Variants in GRID1 observed in about 807,000 individuals in gnomAD.
GRID1 encodes the protein glutamate receptor ionotropic, delta-1.
In GRID1, 28 loss-of-function variants were observed where a neutral mutation model predicts 98.0. The observed-to-expected ratio is 0.29, with a 90% CI of 0.21 to 0.39. The LOEUF (loss-of-function observed/expected upper bound fraction) is 0.39. Among genes scored for constraint, GRID1 ranks in the 10% least tolerant of loss-of-function variants. The probability of loss-of-function intolerance (pLI) is 1.00; values close to 1 mark genes in which losing one functional copy is unlikely to be tolerated. For missense variants in GRID1, 1,111 were observed against 1,340.5 expected (o/e 0.83, Z 2.67); for synonymous variants, 553 against 538.5 (o/e 1.03, Z -0.37).
chr10:85,706,161 G>T (rs2132629356), intron 12 of GRID1, among the ~76,000 whole-genome samples: 1 of 152,278 alleles, frequency 6.6e-6, no homozygotes, highest in African/African-American at 2.4e-5. Flanking sequence ...AGGAAAAGAG[G>T]AAGTCAAATT....
intron 5 of GRID1, among the ~76,000 whole-genome samples, chr10:85,889,398 T>C (rs1378044450): frequency 1.3e-5 from 2 of 152,228 alleles, no homozygotes; most frequent in Admixed American, 1.3e-4. Context: ...ACGAGATCAA[T>C]ATTTTTTAGA....
intron 4 of GRID1, among the ~76,000 whole-genome samples, chr10:86,131,385 T>C (rs974865040): frequency 1.4e-4 from 22 of 152,318 alleles, no homozygotes; most frequent in South Asian, 6.2e-4. Flanking sequence ...ATTTCTCATG[T>C]CTGCTGCCTC....
intron 2 of GRID1, among the ~76,000 whole-genome samples, chr10:86,354,464 C>G (rs189494721): frequency 6.6e-6 from 1 of 152,204 alleles, no homozygotes; most frequent in Admixed American, 6.5e-5. Flanking sequence ...GCGCTAAGCA[C>G]CCCTCTCTCG....
intron 12 of GRID1, among the ~76,000 whole-genome samples, chr10:85,657,038 C>T (rs956481896): frequency 1.3e-5 from 2 of 152,178 alleles, no homozygotes; most frequent in South Asian, 4.1e-4. Context: ...TCTCGCCGTA[C>T]CAGCCTCCCT....
chr10:86,019,111 A>G (rs1843016605), intron 4 of GRID1, among the ~76,000 whole-genome samples: 1 of 152,190 alleles, frequency 6.6e-6, no homozygotes, highest in African/African-American at 2.4e-5. Flanking sequence ...CCTCTCCTAT[A>G]AAAGTACAGA....
intron 2 of GRID1, among the ~76,000 whole-genome samples, chr10:86,318,553 C>T (rs1847929140): frequency 6.6e-6 from 1 of 152,162 alleles, no homozygotes; most frequent in Admixed American, 6.5e-5. Context: ...CTGGGGATGC[C>T]CCAGGGCCTG....
At chr10:85,688,527 ATTT>A (rs1841294718) in intron 12 of GRID1, among the ~76,000 whole-genome samples, 1 of 152,142 alleles carries the variant, frequency 6.6e-6, no homozygotes, top group Non-Finnish European at 1.5e-5. Flanking sequence ...AAATGGATAG[ATTT>A]AAACACCCCC....
intron 4 of GRID1, among the ~76,000 whole-genome samples, chr10:86,125,277 C>T (rs1844735958): frequency 6.6e-6 from 1 of 152,260 alleles, no homozygotes; most frequent in Non-Finnish European, 1.5e-5. Context: ...AAACCCTCCC[C>T]ACCTCAGCAC....
chr10:85,930,369 T>C (rs1841834043), intron 4 of GRID1, among the ~76,000 whole-genome samples: 1 of 150,378 alleles, frequency 6.6e-6, no homozygotes, highest in East Asian at 1.9e-4. Flanking sequence ...GTTTTATTTA[T>C]ATTTATAGTT....
intron 2 of GRID1, among the ~76,000 whole-genome samples, chr10:86,306,915 T>A (rs1847765995): frequency 3.3e-5 from 5 of 152,218 alleles, no homozygotes; most frequent in African/African-American, 1.2e-4. Context: ...ACACTGCACA[T>A]AATCAATATC....
At chr10:85,779,760 T>A (rs1261645153) in intron 8 of GRID1, among the ~76,000 whole-genome samples, 1 of 151,954 alleles carries the variant, frequency 6.6e-6, no homozygotes, top group Non-Finnish European at 1.5e-5. Context: ...CACTAATACC[T>A]CCTAATCTCA....
chr10:86,028,730 G>GT, intron 4 of GRID1, among the ~76,000 whole-genome samples: 1 of 152,092 alleles, frequency 6.6e-6, no homozygotes, highest in South Asian at 2.1e-4. Context: ...AAGCCACCTG[G>GT]TAGGAGGGAC....
At position 86,365,961 on chromosome 10, in the gene GRID1, C is replaced by T. The variant is rs1342719226; in HGVS notation, c.79+353G>A. Reference sequence around the variant, plus strand: ...GCCCCCCGCTGTACCTCCCCCTGCCCCCCGCTGCTCTGAGCTGCGCAGAAG... The same window carrying T: ...GCCCCCCGCTGTACCTCCCCCTGCCTCCCGCTGCTCTGAGCTGCGCAGAAG... On this transcript the variant is annotated intron_variant, in intron 1 of 15. Coordinates refer to ENST00000327946, the MANE Select transcript of GRID1 (RefSeq NM_017551.3). This position sits in a 1 kb window ranked among gnomAD's most constrained non-coding sequence, Gnocchi z 4.8. Among the ~76,000 whole-genome samples, 3 of 152,214 alleles carry T rather than the reference C, an allele frequency of 2.0e-5. No homozygotes were observed. The highest frequency in any genetic ancestry group is 4.4e-5 in the Non-Finnish European group (3 of 68,026).
At chr10:86,017,329 C>T (rs1842992510) in intron 4 of GRID1, among the ~76,000 whole-genome samples, 2 of 152,194 alleles carry the variant, frequency 1.3e-5, no homozygotes, top group Admixed American at 1.3e-4. Context: ...GGCAGTGTGA[C>T]CAGGCACACA....
intron 8 of GRID1, among the ~76,000 whole-genome samples, chr10:85,841,305 C>A (rs1842959435): frequency 6.6e-6 from 1 of 152,080 alleles, no homozygotes; most frequent in Non-Finnish European, 1.5e-5. Flanking sequence ...AACTGGACTC[C>A]TTCCTTTCAC....
intron 2 of GRID1, among the ~76,000 whole-genome samples, chr10:86,236,338 C>A (rs1186157569): frequency 6.6e-6 from 1 of 152,174 alleles, no homozygotes; most frequent in Non-Finnish European, 1.5e-5. Flanking sequence ...AATATTTCAA[C>A]CTCTCAATGT....
At chr10:85,878,890 G>C (rs1840954640) in intron 5 of GRID1, among the ~76,000 whole-genome samples, 1 of 152,214 alleles carries the variant, frequency 6.6e-6, no homozygotes, top group East Asian at 1.9e-4. Flanking sequence ...CACGTGCAGA[G>C]ACACAAATAG....
chr10:86,060,579 C>T (rs1337585839), intron 4 of GRID1, among the ~76,000 whole-genome samples: 2 of 152,202 alleles, frequency 1.3e-5, no homozygotes, highest in African/African-American at 4.8e-5. Context: ...CCCATCTGCC[C>T]CGCTCTAAAG....
At chr10:86,084,889 G>C (rs1844028313) in intron 4 of GRID1, among the ~76,000 whole-genome samples, 1 of 152,114 alleles carries the variant, frequency 6.6e-6, no homozygotes, top group Non-Finnish European at 1.5e-5. Context: ...GAGGAATGGG[G>C]AGTTATTGTT....
Sources: allele counts gnomAD v4.1 joint callset (sites outside exome capture counted in the v4.1 genomes callset), GRCh38; gene constraint gnomAD v4.1.1; non-coding constraint Gnocchi (gnomAD v3.1); transcripts MANE v1.5; gene names NCBI Gene and HGNC (gene_info 2026-07-23, HGNC 2026-07-21).